MCUB: variants seen among roughly 807,000 people sequenced by gnomAD.
The protein encoded by MCUB is mitochondrial calcium uniporter dominant negative subunit beta.
A neutral mutation model predicts 41.4 loss-of-function variants in MCUB; 46 were observed. That is an observed-to-expected ratio of 1.11 (90% CI 0.88 to 1.42). MCUB has a LOEUF of 1.42. Ranked by LOEUF, MCUB falls within the 40% of genes most tolerant of loss-of-function variation. MCUB has a pLI of 0.00. For missense variants in MCUB, 403 were observed against 404.9 expected (o/e 1.00, Z 0.04); for synonymous variants, 148 against 148.2 (o/e 1.00, Z 0.01).
In MCUB at chr4:109,577,672, C is replaced by G. The variant is rs1449252878; in HGVS notation, c.99+17236C>G. 2.6e-5 allele frequency among the ~76,000 whole-genome samples: 2 copies of G among 76,688 alleles called. 1 individual carries two copies. The highest frequency in any genetic ancestry group is 5.2e-5 in the Non-Finnish European group (2 of 38,124). 50.3% of individuals were successfully genotyped at this position (76,688 alleles called of 152,430 possible). A position where few individuals can be genotyped will look rare whatever the true frequency, so the allele number is the denominator to read the frequency against. On this transcript the variant is annotated intron_variant, in intron 1 of 7. Coordinates refer to ENST00000394650, the MANE Select transcript of MCUB (RefSeq NM_017918.5). ...TCGCCCAGACTGGAGTGCAGTGGCG[C>G]GATCTCGGCTCACTGCAGGCTCCGC...
At chr4:109,598,792 A>G (rs984021659) in intron 1 of MCUB, among the ~76,000 whole-genome samples, 3 of 152,190 alleles carry the variant, frequency 2.0e-5, no homozygotes, top group South Asian at 2.1e-4. Context: ...AAATACATAT[A>G]TGCAGTTGTT....
intron 1 of MCUB, among the ~76,000 whole-genome samples, chr4:109,644,697 G>A (rs1561238626): frequency 6.6e-6 from 1 of 152,126 alleles, no homozygotes; most frequent in Admixed American, 6.5e-5. Flanking sequence ...TAACATTGAT[G>A]TATACTTTGC....
chr4:109,581,646 T>C (rs1469944242), intron 1 of MCUB, among the ~76,000 whole-genome samples: 3 of 152,172 alleles, frequency 2.0e-5, no homozygotes, highest in African/African-American at 7.2e-5. Flanking sequence ...GACGAAGGGC[T>C]AATATCCAGA....
At chr4:109,615,131 C>G (rs1210866231) in intron 1 of MCUB, among the ~76,000 whole-genome samples, 2 of 152,160 alleles carry the variant, frequency 1.3e-5, no homozygotes, top group Admixed American at 6.5e-5. Flanking sequence ...TCTTTTCCCC[C>G]TGGAAGGAAC....
At chr4:109,626,403 T>C (rs1404357389) in intron 1 of MCUB, among the ~76,000 whole-genome samples, 2 of 152,192 alleles carry the variant, frequency 1.3e-5, no homozygotes, top group Non-Finnish European at 2.9e-5. Flanking sequence ...TCAGAAATCA[T>C]GGCTGTAGTA....
At chr4:109,627,917 GA>G (rs35135859) in intron 1 of MCUB, among the ~76,000 whole-genome samples, 70,936 of 135,346 alleles carry the variant, frequency 0.52, 17,635 homozygotes, top group South Asian at 0.7. Flanking sequence ...TGTCTCAGAA[GA>G]AAAAAAAAAA....
chr4:109,648,776 A>G (rs1475214313), intron 1 of MCUB: 2 of 329,270 alleles, frequency 6.1e-6, no homozygotes, highest in Non-Finnish European at 1.2e-5. Flanking sequence ...GAGATTCTAC[A>G]AAAGATCATG....
At chr4:109,671,568 T>C (rs1561248866) in intron 4 of MCUB, among the ~76,000 whole-genome samples, 1 of 152,194 alleles carries the variant, frequency 6.6e-6, no homozygotes, top group East Asian at 1.9e-4. Context: ...TTCTAGCAAT[T>C]CCTTTTGGTT....
In MCUB at chr4:109,619,411, C is replaced by T. The variant is rs557934065; in HGVS notation, c.100-39600C>T. ...CCTCTTTCTATGATGTGTTGCTCTTCTTGAAAGTAACAAAGGCTGGGCGTG... is the reference window on the plus strand; with the variant it reads ...CCTCTTTCTATGATGTGTTGCTCTTTTTGAAAGTAACAAAGGCTGGGCGTG... On this transcript the variant is annotated intron_variant, in intron 1 of 7. Transcript: ENST00000394650. Among the ~76,000 whole-genome samples, 4 of 152,092 alleles carry T rather than the reference C, an allele frequency of 2.6e-5. 1 individual carries two copies. In the South Asian group the frequency reaches 8.3e-4, roughly 32 times the overall value.
intron 3 of MCUB, among the ~76,000 whole-genome samples, chr4:109,660,758 G>GTGAGCC (rs1356242617): frequency 6.6e-6 from 1 of 151,850 alleles, no homozygotes; most frequent in African/African-American, 2.4e-5. Context: ...AGAGGTTGCA[G>GTGAGCC]TGAGCCGAGA....
At chr4:109,668,956 TC>T (rs1729400100) in intron 4 of MCUB, among the ~76,000 whole-genome samples, 1 of 152,134 alleles carries the variant, frequency 6.6e-6, no homozygotes, top group Admixed American at 6.5e-5. Context: ...GCCCCTTGTC[TC>T]ACGGCTGTCA....
chr4:109,655,667 G>C lies in MCUB; in HGVS notation c.100-3344G>C, dbSNP rs7699969. ...GCAAATTCCATTTAAAGGCAGTAAC[G>C]CTTGACCAGGCACTAAAATTTGGAA... On this transcript the variant is annotated intron_variant, in intron 1 of 7. Coordinates refer to ENST00000394650, the MANE Select transcript of MCUB (RefSeq NM_017918.5). Among the ~76,000 whole-genome samples the C allele has an allele frequency of 2.0e-5, 3 of 152,038 alleles. No individual in the cohort carries two copies. In the South Asian group the frequency reaches 6.2e-4, roughly 32 times the overall value.
intron 1 of MCUB, among the ~76,000 whole-genome samples, chr4:109,576,134 C>T (rs1727021426): frequency 6.6e-6 from 1 of 152,212 alleles, no homozygotes; most frequent in South Asian, 2.1e-4. Flanking sequence ...CAGAATGATG[C>T]TGACAGGCAG....
intron 1 of MCUB, among the ~76,000 whole-genome samples, chr4:109,624,007 A>G (rs1728310061): frequency 6.6e-6 from 1 of 152,164 alleles, no homozygotes; most frequent in Admixed American, 6.6e-5. Context: ...ACACCAGCAC[A>G]CTTGACTGAT....
chr4:109,590,515 T>C (rs1031154200), intron 1 of MCUB, among the ~76,000 whole-genome samples: 5 of 152,250 alleles, frequency 3.3e-5, no homozygotes, highest in African/African-American at 1.2e-4. Flanking sequence ...ATTTAGTTTT[T>C]ATTATCAGGT....
chr4:109,618,952 T>TTCTCTCTCTCTCTCTC (rs10557098), intron 1 of MCUB, among the ~76,000 whole-genome samples: 67 of 127,734 alleles, frequency 5.2e-4, no homozygotes, highest in African/African-American at 1.6e-3. Flanking sequence ...AACATTAAAC[T>TTCTCTCTCTCTCTCTC]TCTCTCTCTC....
chr4:109,585,819 C>T (rs979695350), intron 1 of MCUB, among the ~76,000 whole-genome samples: 7 of 152,338 alleles, frequency 4.6e-5, no homozygotes, highest in African/African-American at 9.6e-5. Context: ...GAGAGATCGG[C>T]TGTTAGTCTG....
chr4:109,649,627 A>G (rs866471108), intron 1 of MCUB, among the ~76,000 whole-genome samples: 1 of 150,766 alleles, frequency 6.6e-6, no homozygotes, highest in Non-Finnish European at 1.5e-5. Flanking sequence ...TTTGTAGGCA[A>G]TCTCTTTTTT....
At chr4:109,606,767 A>G (rs957971082) in intron 1 of MCUB, among the ~76,000 whole-genome samples, 4 of 152,162 alleles carry the variant, frequency 2.6e-5, no homozygotes, top group Non-Finnish European at 5.9e-5. Context: ...TGTGTGTGAA[A>G]TGGAATTTCA....
Sources: allele counts gnomAD v4.1 joint callset (sites outside exome capture counted in the v4.1 genomes callset), GRCh38; gene constraint gnomAD v4.1.1; transcripts MANE v1.5; gene names NCBI Gene and HGNC (gene_info 2026-07-23, HGNC 2026-07-21).